The following STX17 variants were observed in gnomAD, a reference collection of about 807,000 sequenced individuals.
The protein encoded by STX17 is syntaxin-17.
A neutral mutation model predicts 35.9 loss-of-function variants in STX17; 29 were observed. The ratio of observed to expected loss-of-function variants is 0.81; its 90% CI spans 0.60 to 1.10. The LOEUF (loss-of-function observed/expected upper bound fraction) is 1.10, where lower values mean the gene tolerates loss of function less well. Among genes scored for constraint, STX17 ranks in the 50% least tolerant of loss-of-function variants. The pLI is 0.00. For synonymous variants in STX17, 92 were observed against 118.3 expected, an observed-to-expected ratio of 0.78 and a Z score of 1.44; for missense variants, 312 against 352.3, an observed-to-expected ratio of 0.89 and a Z score of 0.92.
intron 6 of STX17, among the ~76,000 whole-genome samples, chr9:99,962,238 GC>G (rs1158339854): frequency 6.6e-6 from 1 of 152,128 alleles, no homozygotes; most frequent in Non-Finnish European, 1.5e-5. Context: ...GCTTCTGGAT[GC>G]CTCTAAGTTA....
At chr9:99,946,229 A>ATTC (rs1829479203) in intron 3 of STX17, among the ~76,000 whole-genome samples, 1 of 152,172 alleles carries the variant, frequency 6.6e-6, no homozygotes, top group African/African-American at 2.4e-5. Context: ...ATCTAGCGAT[A>ATTC]AAGTATACAG....
intron 1 of STX17, among the ~76,000 whole-genome samples, chr9:99,913,504 C>CTT (rs1828699349): frequency 6.6e-6 from 1 of 151,966 alleles, no homozygotes; most frequent in Admixed American, 6.6e-5. Context: ...AGGCTGGCCT[C>CTT]TTACTGTTTC....
At chr9:99,918,650 G>A (rs1828830041) in intron 2 of STX17, among the ~76,000 whole-genome samples, 1 of 151,834 alleles carries the variant, frequency 6.6e-6, no homozygotes, top group Admixed American at 6.6e-5. Context: ...TAAGAGTGCT[G>A]ATTGGAAAGT....
chr9:99,953,713 C>T (rs7022208), intron 4 of STX17, among the ~76,000 whole-genome samples: 61,182 of 151,840 alleles, frequency 0.4, 13,097 homozygotes, highest in East Asian at 0.7. Flanking sequence ...GAAAGAGTAA[C>T]TAACATCAAT....
chr9:99,958,645 A>G (rs1217470078), intron 4 of STX17, among the ~76,000 whole-genome samples: 1 of 152,186 alleles, frequency 6.6e-6, no homozygotes, highest in African/African-American at 2.4e-5. Flanking sequence ...GCTCCTAACC[A>G]CTACACTATG....
intron 3 of STX17, among the ~76,000 whole-genome samples, chr9:99,938,726 G>A (rs1385798815): frequency 6.8e-6 from 1 of 147,998 alleles, no homozygotes. Context: ...TATTGAGATT[G>A]CAGTGAGCCA....
intron 1 of STX17, among the ~76,000 whole-genome samples, chr9:99,911,993 G>A (rs182956018): frequency 2.0e-5 from 3 of 152,186 alleles, no homozygotes; most frequent in Non-Finnish European, 2.9e-5. Context: ...TTGGGAGGCC[G>A]AGGCAGGTGG....
intron 3 of STX17, among the ~76,000 whole-genome samples, chr9:99,946,237 C>T (rs1186909133): frequency 6.6e-6 from 1 of 151,992 alleles, no homozygotes; most frequent in Non-Finnish European, 1.5e-5. Context: ...ATAAAGTATA[C>T]AGGAGGATAT....
At chr9:99,928,730 C>A in intron 2 of STX17, 48 bp from the exon 3 acceptor site, 1 of 1,544,322 alleles carries the variant, frequency 6.5e-7, no homozygotes, top group Non-Finnish European at 8.9e-7. Context: ...TGGGAAATAA[C>A]CCTTTAGTGA....
chr9:99,929,255 T>G (rs1183289259), intron 3 of STX17: 1 of 154,566 alleles, frequency 6.5e-6, no homozygotes, highest in Non-Finnish European at 1.4e-5. Context: ...AATTGCCTGT[T>G]AATATATTTG....
chr9:99,913,694 A>G (rs546591178), intron 1 of STX17, among the ~76,000 whole-genome samples: 1 of 152,238 alleles, frequency 6.6e-6, no homozygotes, highest in Non-Finnish European at 1.5e-5. Flanking sequence ...GAATTTCTCC[A>G]TATGTCCCCA....
Position 99,959,386 on chromosome 9 carries a change from C to CA in STX17, c.416-520dup, listed in dbSNP as rs1352288278. Among the ~76,000 whole-genome samples the CA allele has an allele frequency of 1.1e-3, 110 of 104,506 alleles. 1 individual carries two copies. The highest frequency in any genetic ancestry group is 1.9e-3 in the Non-Finnish European group (93 of 48,144). The allele number at this position is 104,506 out of a possible 152,430, so 68.6% of individuals were successfully genotyped here. On this transcript the variant is annotated intron_variant, in intron 4 of 7. Transcript: ENST00000259400. ...AGCAAGACTGTGTGTCAATTAAAAA[C>CA]AAAAAAAAAAATTTTAGAAAAAAAA...
intron 4 of STX17, 142 bp downstream of exon 4, chr9:99,951,427 A>G: frequency 1.4e-6 from 1 of 729,272 alleles, no homozygotes; most frequent in South Asian, 2.6e-5. Context: ...GACCCTGATC[A>G]GTGTTCCTGG....
In STX17 at chr9:99,967,723, C is replaced by A; in HGVS notation, c.653C>A (p.Thr218Asn). The A allele has an allele frequency of 5.0e-6, 8 of 1,613,796 alleles. No homozygotes were observed. Among genetic ancestry groups the A allele is most frequent in the Non-Finnish European group, 6.8e-6 (8 of 1,179,842 alleles). ...GCTGCTGTGAATGTTGAAGAGGGAA[C>A]CAAAAACTTAGGGAAGGTAAGATTC... is the stretch of plus-strand genomic sequence containing the variant. Reference protein sequence around the residue: ...NSAAVNVEEGTKNLGKAAKYK... With the variant: ...NSAAVNVEEGNKNLGKAAKYK... The change falls in exon 7 of 8, where the codon ACC becomes AAC. Residue 218 changes from threonine (T) to asparagine (N), a missense_variant. Physicochemically the swap from Thr to Asn is moderately conservative, Grantham distance 65. Coordinates refer to ENST00000259400, the MANE Select transcript of STX17 (RefSeq NM_017919.3).
At chr9:99,916,426 TATTTATTCATTC>T (rs1311082662) in intron 2 of STX17, among the ~76,000 whole-genome samples, 115 of 136,858 alleles carry the variant, frequency 8.4e-4, no homozygotes, top group South Asian at 1.6e-3. Context: ...TTTATTTATT[TATTTATTCATTC>T]ATTCATTCAT....
chr9:99,936,836 T>C (rs937041879), intron 3 of STX17, among the ~76,000 whole-genome samples: 18 of 152,182 alleles, frequency 1.2e-4, no homozygotes, highest in Admixed American at 3.3e-4. Flanking sequence ...AAAAATCTTA[T>C]ATATGTACTG....
chr9:99,935,321 C>A (rs1187393556), intron 3 of STX17, among the ~76,000 whole-genome samples: 1 of 116,612 alleles, frequency 8.6e-6, no homozygotes, highest in Non-Finnish European at 1.8e-5. Context: ...CAGAGCGACA[C>A]TCCATCTCAA....
intron 3 of STX17, among the ~76,000 whole-genome samples, chr9:99,944,691 T>C (rs550784022): frequency 2.4e-4 from 36 of 152,110 alleles, no homozygotes; most frequent in Admixed American, 3.9e-4. Context: ...ATTTTTTGTA[T>C]TTTTAGTAGA....
At chr9:99,958,793 A>G (rs998804344) in intron 4 of STX17, among the ~76,000 whole-genome samples, 1 of 152,232 alleles carries the variant, frequency 6.6e-6, no homozygotes, top group Non-Finnish European at 1.5e-5. Context: ...GGAAATAAAG[A>G]CTTGAAGGTA....
Sources: allele counts gnomAD v4.1 joint callset (sites outside exome capture counted in the v4.1 genomes callset), GRCh38; gene constraint gnomAD v4.1.1; transcripts MANE v1.5; gene names NCBI Gene and HGNC (gene_info 2026-07-23, HGNC 2026-07-21).